Variants in RGS5 observed in about 807,000 individuals in gnomAD.
RGS5 encodes regulator of G protein signaling 5, also known as regulator of G-protein signalling 5.
RGS5 carries 20 observed loss-of-function variants against 18.9 expected under a neutral mutation model. The ratio of observed to expected loss-of-function variants is 1.06; its 90% confidence interval spans 0.74 to 1.54. The LOEUF is 1.54. Among genes scored for constraint, RGS5 ranks in the 40% most tolerant of loss-of-function variants. The pLI is 0.00. For missense variants in RGS5, 201 were observed against 211.8 expected (o/e 0.95, Z 0.32); for synonymous variants, 57 against 76.2 (o/e 0.75, Z 1.31).
Position 163,246,216 on chromosome 1 carries a change from A to C in RGS5, c.-281+60017T>G, listed in dbSNP as rs1046222622. 2.2e-5 allele frequency among the ~76,000 whole-genome samples: 3 copies of C among 133,890 alleles called. No individual in the cohort carries two copies. In the South Asian group the frequency reaches 7.2e-4, roughly 32 times the overall value. The allele number at this position is 133,890 out of a possible 152,430, so 87.8% of individuals were successfully genotyped here. On this transcript the variant is annotated intron_variant, in intron 2 of 5. Coordinates refer to the RGS5 transcript ENST00000618415. ...AGCCTGGGCGACAGAGCGAGACTCC[A>C]TCTTAAAAAAAAAAAAATTAATTAA...
chr1:163,224,630 T>C (rs1037594233), intron 2 of RGS5, among the ~76,000 whole-genome samples: 2 of 152,216 alleles, frequency 1.3e-5, no homozygotes, highest in Non-Finnish European at 2.9e-5. Flanking sequence ...CTGTTGTTTG[T>C]AATGGCTGTA....
chr1:163,184,514 T>A (rs1021230319), intron 1 of RGS5, among the ~76,000 whole-genome samples: 1 of 151,784 alleles, frequency 6.6e-6, no homozygotes, highest in Non-Finnish European at 1.5e-5. Context: ...GGGGAACAAG[T>A]CAGATGGCCA....
At chr1:163,291,560 G>GGTAA (rs1261545404) in intron 2 of RGS5, among the ~76,000 whole-genome samples, 1 of 152,126 alleles carries the variant, frequency 6.6e-6, no homozygotes, top group East Asian at 1.9e-4. Context: ...TACTTCAGCA[G>GGTAA]GTAACATCAC....
rs1158933071 is a variant in RGS5, at chr1:163,310,369, G to C, written c.-377-4040C>G. On this transcript the variant is annotated intron_variant, in intron 1 of 5. Coordinates refer to the RGS5 transcript ENST00000618415. ...TGGGAGGCCGAAGCGGGCGGATCAC[G>C]AGGTCAGGAGATCAAGACCACGGTG... is the stretch of plus-strand genomic sequence containing the variant. Among the ~76,000 whole-genome samples, 3 of 152,008 alleles carry C rather than the reference G, an allele frequency of 2.0e-5. No individual in the cohort carries two copies. In the East Asian group the frequency reaches 5.8e-4, roughly 29 times the overall value.
Position 163,242,164 on chromosome 1 carries a change from C to T in RGS5, c.-281+64069G>A, listed in dbSNP as rs1047053526. On this transcript the variant is annotated intron_variant, in intron 2 of 5. Coordinates refer to the RGS5 transcript ENST00000618415. ...AGATCTATAAAAGTTTTGACGTAAA[C>T]ATCTGAGTTAGTGGCTCCTTGAGGA... Among the ~76,000 whole-genome samples, 16 of 152,144 alleles carry T rather than the reference C, an allele frequency of 1.1e-4. 1 individual carries two copies. In the South Asian group the frequency reaches 3.3e-3, roughly 31 times the overall value.
At chr1:163,197,377 G>A (rs1287164599) in intron 1 of RGS5, among the ~76,000 whole-genome samples, 4 of 152,078 alleles carry the variant, frequency 2.6e-5, no homozygotes, top group Non-Finnish European at 5.9e-5. Flanking sequence ...GTATAACCTT[G>A]TAAATTCTTC....
intron 2 of RGS5, among the ~76,000 whole-genome samples, chr1:163,165,905 C>CAA (rs150504306): frequency 2.3e-5 from 1 of 43,428 alleles, no homozygotes; most frequent in Non-Finnish European, 4.5e-5. Context: ...AATTCCGTCT[C>CAA]AAAAAAAAAA....
At chr1:163,320,683 G>C (rs3806364) in intron 1 of RGS5, among the ~76,000 whole-genome samples, 89,917 of 151,892 alleles carry the variant, frequency 0.59, 26,977 homozygotes, top group South Asian at 0.68. Context: ...TTTTCTTAAT[G>C]TCCTTTTGGG....
At chr1:163,174,036 G>A (rs190673732) in intron 1 of RGS5, among the ~76,000 whole-genome samples, 12 of 152,106 alleles carry the variant, frequency 7.9e-5, no homozygotes, top group Admixed American at 5.9e-4. Flanking sequence ...AGATCATGCC[G>A]CTGCACTCCA....
chr1:163,184,053 T>C (rs1481939816), intron 1 of RGS5, among the ~76,000 whole-genome samples: 1 of 152,142 alleles, frequency 6.6e-6, no homozygotes, highest in African/African-American at 2.4e-5. Flanking sequence ...TTCTTGCACG[T>C]TGAGGACTAA....
intron 2 of RGS5, among the ~76,000 whole-genome samples, chr1:163,228,893 C>T (rs536343613): frequency 6.6e-6 from 1 of 152,198 alleles, no homozygotes; most frequent in Admixed American, 6.5e-5. Context: ...AGAAGTTCCT[C>T]ATTTCCATGT....
At chr1:163,158,277 C>G (rs1657665067) in intron 3 of RGS5, among the ~76,000 whole-genome samples, 1 of 151,936 alleles carries the variant, frequency 6.6e-6, no homozygotes, top group South Asian at 2.1e-4. Context: ...AACAGCCAGA[C>G]AGAGAGAAGC....
chr1:163,262,151 CTTTTTTT>C (rs532698783), intron 2 of RGS5, among the ~76,000 whole-genome samples: 2 of 121,124 alleles, frequency 1.7e-5, no homozygotes, highest in African/African-American at 6.3e-5. Context: ...AGTTTTGAAA[CTTTTTTT>C]TTTTTTTTTT....
chr1:163,254,098 C>T (rs1163595691), intron 2 of RGS5, among the ~76,000 whole-genome samples: 2 of 150,702 alleles, frequency 1.3e-5, no homozygotes, highest in Non-Finnish European at 2.9e-5. Context: ...GTGAATAGTG[C>T]CACAATAAAC....
At chr1:163,159,377 C>T (rs779741646) in intron 3 of RGS5, among the ~76,000 whole-genome samples, 15 of 152,122 alleles carry the variant, frequency 9.9e-5, no homozygotes, top group Admixed American at 7.2e-4. Context: ...TAAAGACAGG[C>T]GTAAGAAATT....
intron 1 of RGS5, among the ~76,000 whole-genome samples, chr1:163,190,614 C>T (rs979454950): frequency 1.3e-5 from 2 of 152,208 alleles, no homozygotes; most frequent in South Asian, 2.1e-4. Flanking sequence ...AAACAGTGCT[C>T]GACTGACTAA....
intron 2 of RGS5, among the ~76,000 whole-genome samples, chr1:163,254,841 G>A (rs1418340556): frequency 6.6e-6 from 1 of 151,426 alleles, no homozygotes; most frequent in Admixed American, 6.6e-5. Flanking sequence ...GTAAGGAAGG[G>A]ATCCAGTTTC....
chr1:163,174,468 A>G (rs1447931022), intron 1 of RGS5, among the ~76,000 whole-genome samples: 1 of 152,334 alleles, frequency 6.6e-6, no homozygotes, highest in Non-Finnish European at 1.5e-5. Flanking sequence ...TTTGGGGTGG[A>G]GTAGGTGAAA....
At chr1:163,282,687 G>A (rs2101719834) in intron 2 of RGS5, among the ~76,000 whole-genome samples, 1 of 152,178 alleles carries the variant, frequency 6.6e-6, no homozygotes, top group South Asian at 2.1e-4. Flanking sequence ...TCTAGCCTGG[G>A]GGAGAGAATG....
Sources: gnomAD v4.1 joint callset for allele counts (sites outside exome capture counted in the v4.1 genomes callset) on GRCh38, gnomAD v4.1.1 for gene constraint, MANE v1.5 for transcripts, NCBI Gene and HGNC (gene_info 2026-07-23, HGNC 2026-07-21) for gene names.